IGF2BP1: variants seen among roughly 807,000 people sequenced by gnomAD.
IGF2BP1 encodes the protein insulin like growth factor 2 mRNA binding protein 1.
In IGF2BP1, 11 loss-of-function variants were observed where a neutral mutation model predicts 74.9. That is an observed-to-expected ratio of 0.15 (90% CI 0.09 to 0.24). The LOEUF is 0.24. IGF2BP1 is among the 10% of genes least tolerant of loss of function. The pLI is 1.00. For synonymous variants in IGF2BP1, 287 were observed against 281.8 expected (o/e 1.02, Z -0.18); for missense variants, 440 against 757.4 (o/e 0.58, Z 4.92).
At chr17:49,023,455 AC>A (rs1229960733) in intron 2 of IGF2BP1, among the ~76,000 whole-genome samples, 1 of 152,202 alleles carries the variant, frequency 6.6e-6, no homozygotes, top group African/African-American at 2.4e-5. Flanking sequence ...CCCACTGTAA[AC>A]CTGGAGATAC....
In IGF2BP1 at chr17:49,038,310, C is replaced by T; in HGVS notation, c.544C>T (p.Pro182Ser). Residue 182 changes from proline to serine, a missense_variant, in exon 6 of 15, where the codon CCT becomes TCT. Transcript: ENST00000290341. Reference protein sequence around the residue: ...GSRGQPRQGSPVAAGAPAKQQ... With the variant: ...GSRGQPRQGSSVAAGAPAKQQ... Reference sequence around the variant, plus strand: ...TCGGGGTCAGCCCCGCCAGGGCTCACCTGTGGCAGCGGGGGCCCCAGCCAA... The same window carrying T: ...TCGGGGTCAGCCCCGCCAGGGCTCATCTGTGGCAGCGGGGGCCCCAGCCAA... The T allele has an allele frequency of 6.2e-7, 1 of 1,605,884 alleles. No individual in the cohort carries two copies. Among genetic ancestry groups the T allele is most frequent in the East Asian group, 2.3e-5 (1 of 44,438 alleles).
At position 49,042,892 on chromosome 17, in the gene IGF2BP1, C is replaced by G. The variant is rs565597947; in HGVS notation, c.1077+515C>G. 9.9e-5 allele frequency among the ~76,000 whole-genome samples: 15 copies of G among 152,138 alleles called. No homozygotes were observed. The East Asian group carries it at 2.9e-3, about 29-fold the overall frequency. On this transcript the variant is annotated intron_variant, in intron 9 of 14. Transcript: ENST00000290341. The stretch of plus-strand genomic sequence containing the variant: ...GGAAACAGGGTCTTGCTGTGTCACC[C>G]AGGTTGGTCTAGAACTCCTGGGCTC...
chr17:48,999,082 T>A (rs752147268), intron 1 of IGF2BP1, 27 bp from the exon 2 acceptor site: 3 of 1,337,080 alleles, frequency 2.2e-6, no homozygotes, highest in Non-Finnish European at 3.2e-6. Flanking sequence ...CAAGCTCTCA[T>A]GGTAATTTTT....
chr17:49,046,946 T>C (rs531139960), intron 14 of IGF2BP1, among the ~76,000 whole-genome samples: 2 of 152,200 alleles, frequency 1.3e-5, no homozygotes, highest in Non-Finnish European at 2.9e-5. Context: ...GGTTCAAATT[T>C]TGCTGAACCT....
chr17:49,032,635 C>T (rs534065989), intron 5 of IGF2BP1, among the ~76,000 whole-genome samples: 26 of 152,170 alleles, frequency 1.7e-4, no homozygotes, highest in Non-Finnish European at 3.4e-4. Flanking sequence ...TCTTAACATG[C>T]CGCCTTCTCC....
At chr17:49,000,221 C>G (rs2041470946) in intron 2 of IGF2BP1, among the ~76,000 whole-genome samples, 1 of 152,092 alleles carries the variant, frequency 6.6e-6, no homozygotes, top group Admixed American at 6.5e-5. Context: ...TTCCTCACCC[C>G]CCATTTCAGC....
intron 2 of IGF2BP1, among the ~76,000 whole-genome samples, chr17:49,009,287 C>T (rs979735739): frequency 6.6e-6 from 1 of 152,066 alleles, no homozygotes; most frequent in Non-Finnish European, 1.5e-5. Flanking sequence ...ACCTCAACCC[C>T]CAACAAGGTG....
intron 8 of IGF2BP1, among the ~76,000 whole-genome samples, 163 bp downstream of exon 8, chr17:49,041,663 G>C (rs150376432): frequency 1.3e-5 from 2 of 152,188 alleles, no homozygotes; most frequent in African/African-American, 4.8e-5. Context: ...AAAAATCCCT[G>C]TAAGGACTGG....
At chr17:49,020,572 C>A (rs1228921211) in intron 2 of IGF2BP1, among the ~76,000 whole-genome samples, 1 of 152,146 alleles carries the variant, frequency 6.6e-6, no homozygotes, top group East Asian at 1.9e-4. Flanking sequence ...CCTATGCTGC[C>A]TTTTTGATGA....
intron 6 of IGF2BP1, among the ~76,000 whole-genome samples, chr17:49,039,319 G>A (rs780577198): frequency 2.0e-5 from 3 of 152,130 alleles, no homozygotes; most frequent in African/African-American, 4.8e-5. Flanking sequence ...GGGGACATAC[G>A]GAATTCAAGC....
chr17:49,034,764 AC>A (rs2041967807), intron 5 of IGF2BP1, among the ~76,000 whole-genome samples: 5 of 143,750 alleles, frequency 3.5e-5, no homozygotes, highest in African/African-American at 1.4e-4. Context: ...AACAAAAAAA[AC>A]AAAAAAAACG....
chr17:49,038,762 T>C (rs2042016039), intron 6 of IGF2BP1, among the ~76,000 whole-genome samples: 1 of 152,182 alleles, frequency 6.6e-6, no homozygotes, highest in Non-Finnish European at 1.5e-5. Context: ...CTCAGTGCTC[T>C]GTGATTTCAT....
chr17:49,049,537 C>A lies in IGF2BP1; in HGVS notation c.*93C>A, dbSNP rs541135966. Reference sequence around the variant, plus strand: ...GCAGGCCTGAGAATGAGTGGGAATCCGGGACACCTGGGCCGGGCTGTAGAT... The same window carrying A: ...GCAGGCCTGAGAATGAGTGGGAATCAGGGACACCTGGGCCGGGCTGTAGAT... On this transcript the variant is annotated 3_prime_UTR_variant, in exon 15 of 15. Coordinates refer to ENST00000290341, the MANE Select transcript of IGF2BP1 (RefSeq NM_006546.4). The A allele has an allele frequency of 1.9e-6, 2 of 1,048,366 alleles. No homozygotes were observed. Among genetic ancestry groups the A allele is most frequent in the Non-Finnish European group, 2.9e-6 (2 of 694,908 alleles). The allele number at this position is 1,048,366 out of a possible 1,614,324, so 64.9% of individuals were successfully genotyped here.
Position 49,025,684 on chromosome 17 carries a change from A to C in IGF2BP1, c.285+18A>C, listed in dbSNP as rs775864940. ...GATGGGAAGTAAGTGTTTGGGGGAA[A>C]CTCTAAATGGAGTGGGATAGTGGAG... is the stretch of plus-strand genomic sequence containing the variant. On this transcript the variant is annotated intron_variant, in intron 3 of 14. Coordinates refer to ENST00000290341, the MANE Select transcript of IGF2BP1 (RefSeq NM_006546.4). 1.9e-6 allele frequency: 3 copies of C among 1,608,988 alleles called. No individual in the cohort carries two copies. The highest frequency in any genetic ancestry group is 2.5e-6 in the Non-Finnish European group (3 of 1,177,722).
chr17:49,012,255 G>A (rs2041628466), intron 2 of IGF2BP1, among the ~76,000 whole-genome samples: 1 of 152,190 alleles, frequency 6.6e-6, no homozygotes, highest in East Asian at 1.9e-4. Flanking sequence ...CCTTGTCTGG[G>A]CAGCTAAGAT....
In IGF2BP1 at chr17:49,039,964, G is replaced by A; in HGVS notation, c.691G>A (p.Val231Met). 1 of 1,612,590 alleles carries A rather than the reference G, an allele frequency of 6.2e-7. No homozygotes were observed. The highest frequency in any genetic ancestry group is 8.5e-7 in the Non-Finnish European group (1 of 1,180,000). ...ITKQTQSKID[V>M]HRKENAGAAE... ...TGTCCTTGTGGCCCCCAGGATAGAC[G>A]TGCATAGGAAGGAGAACGCAGGTGC... Residue 231 changes from valine (V) to methionine (M), a missense_variant, in exon 7 of 15, where the codon GTG (valine) becomes ATG (methionine). By Grantham distance (21) the Val-to-Met change is conservative (BLOSUM62 1). Around this residue, in one of 5 missense-constraint regions of IGF2BP1, gnomAD observed 184 missense variants for 273.4 expected, o/e 0.67. Coordinates refer to ENST00000290341, the MANE Select transcript of IGF2BP1 (RefSeq NM_006546.4).
At chr17:49,015,795 A>G (rs2041693377) in intron 2 of IGF2BP1, among the ~76,000 whole-genome samples, 1 of 152,226 alleles carries the variant, frequency 6.6e-6, no homozygotes. Context: ...GGGGCTGCTC[A>G]GATGGGCTTT....
At chr17:49,019,072 C>G (rs2041743098) in intron 2 of IGF2BP1, among the ~76,000 whole-genome samples, 1 of 152,082 alleles carries the variant, frequency 6.6e-6, no homozygotes, top group African/African-American at 2.4e-5. Flanking sequence ...AGTTTAAAGG[C>G]AGTCCTCCCT....
At chr17:49,005,774 C>G (rs1443237402) in intron 2 of IGF2BP1, among the ~76,000 whole-genome samples, 1 of 151,908 alleles carries the variant, frequency 6.6e-6, no homozygotes, top group Non-Finnish European at 1.5e-5. Context: ...CTCAATCACT[C>G]ATTCAGGACA....
Sources: gnomAD v4.1 joint callset for allele counts (sites outside exome capture counted in the v4.1 genomes callset) on GRCh38, gnomAD v4.1.1 for gene constraint, gnomAD v4.1.1 regional missense constraint, MANE v1.5 for transcripts, NCBI Gene and HGNC (gene_info 2026-07-23, HGNC 2026-07-21) for gene names.